The following CAST variants were observed in gnomAD, a reference collection of about 807,000 sequenced individuals.
CAST encodes the protein MIR583 host.
A neutral mutation model predicts 119.6 loss-of-function variants in CAST; 76 were observed. That is an observed-to-expected ratio of 0.64 (90% CI 0.53 to 0.77). The LOEUF (loss-of-function observed/expected upper bound fraction) is 0.77. Among genes scored for constraint, CAST ranks in the 30% least tolerant of loss-of-function variants. CAST has a pLI of 0.00. For synonymous variants in CAST, 319 were observed against 331.6 expected (o/e 0.96, Z 0.41); for missense variants, 953 against 946.5 (o/e 1.01, Z -0.09).
chr5:96,028,795 T>G, the CAST span, among the ~76,000 whole-genome samples: 4 of 152,116 alleles, frequency 2.6e-5, no homozygotes, highest in Non-Finnish European at 5.9e-5. Flanking sequence ...TTCATTGGTT[T>G]CATTCCTATT....
At chr5:96,031,102 T>C in the CAST span, among the ~76,000 whole-genome samples, 1 of 152,122 alleles carries the variant, frequency 6.6e-6, no homozygotes. Context: ...CATGTGGTGA[T>C]ACTATTTGCC....
At chr5:96,534,741 GAAAGAAAGAAAGAA>G (rs1409313029) in intron 1 of CAST, among the ~76,000 whole-genome samples, 4 of 9,168 alleles carry the variant, frequency 4.4e-4, no homozygotes, top group African/African-American at 1.2e-3. Flanking sequence ...GAGAGAGAGA[GAAAGAAAGAAAGAA>G]AGAAAGAAAG....
At chr5:96,631,840 T>C (rs1747823568) in intron 1 of CAST, among the ~76,000 whole-genome samples, 1 of 152,078 alleles carries the variant, frequency 6.6e-6, no homozygotes, top group Admixed American at 6.5e-5. Context: ...CTGCTTGTTT[T>C]CATTCTCTCA....
chr5:96,760,616 A>G (rs1394149934), intron 24 of CAST, among the ~76,000 whole-genome samples: 1 of 151,926 alleles, frequency 6.6e-6, no homozygotes, highest in East Asian at 1.9e-4. Context: ...CTACTTGTAG[A>G]TAATACATTT....
the CAST span, among the ~76,000 whole-genome samples, chr5:96,027,205 A>G: frequency 3.3e-5 from 5 of 152,076 alleles, no homozygotes; most frequent in African/African-American, 1.2e-4. Flanking sequence ...AACTAAAACA[A>G]CAATTACCTA....
chr5:96,235,778 T>A, the CAST span, among the ~76,000 whole-genome samples: 1 of 152,076 alleles, frequency 6.6e-6, no homozygotes, highest in African/African-American at 2.4e-5. Flanking sequence ...TCTCAGAAAT[T>A]CCCTGCCTCT....
At chr5:96,382,640 T>C in the CAST span, among the ~76,000 whole-genome samples, 1 of 152,234 alleles carries the variant, frequency 6.6e-6, no homozygotes, top group Non-Finnish European at 1.5e-5. Context: ...CCACATAGTA[T>C]TTAATACATT....
At chr5:96,431,976 C>A in the CAST span, 1 of 751,444 alleles carries the variant, frequency 1.3e-6, no homozygotes, top group South Asian at 1.5e-5. Context: ...AGCAGTCTCC[C>A]ACTTAATGTC....
chr5:96,417,909 G>T, the CAST span, among the ~76,000 whole-genome samples: 1 of 152,184 alleles, frequency 6.6e-6, no homozygotes, highest in African/African-American at 2.4e-5. Flanking sequence ...ACTTCCAGAA[G>T]TCACCACTGC....
At chr5:96,652,855 G>GCAC (rs1438395867) in intron 1 of CAST, among the ~76,000 whole-genome samples, 1 of 152,162 alleles carries the variant, frequency 6.6e-6, no homozygotes, top group Non-Finnish European at 1.5e-5. Context: ...TTCAGAAGGG[G>GCAC]CACAGACTGC....
At chr5:96,444,222 T>C in the CAST span, among the ~76,000 whole-genome samples, 1 of 152,194 alleles carries the variant, frequency 6.6e-6, no homozygotes, top group Non-Finnish European at 1.5e-5. Flanking sequence ...ATGCCTTCAC[T>C]TCTCATCAAA....
At chr5:96,361,666 T>A in the CAST span, among the ~76,000 whole-genome samples, 1 of 151,950 alleles carries the variant, frequency 6.6e-6, no homozygotes, top group Admixed American at 6.6e-5. Context: ...CTGCACCCAC[T>A]GTCTAACCAG....
chr5:96,104,478 T>G, the CAST span, among the ~76,000 whole-genome samples: 30 of 152,198 alleles, frequency 2.0e-4, no homozygotes, highest in African/African-American at 6.3e-4. Flanking sequence ...CCAGCACCAT[T>G]TATTAAATAG....
the CAST span, among the ~76,000 whole-genome samples, chr5:96,458,685 T>A: frequency 1.3e-5 from 2 of 152,180 alleles, no homozygotes; most frequent in Non-Finnish European, 2.9e-5. Context: ...GTGTGGGAAA[T>A]GGGCCTCATT....
At chr5:96,450,896 C>T in the CAST span, among the ~76,000 whole-genome samples, 1 of 152,110 alleles carries the variant, frequency 6.6e-6, no homozygotes, top group Non-Finnish European at 1.5e-5. Context: ...ATTTCTGAGT[C>T]CCAGGTAGCT....
the CAST span, among the ~76,000 whole-genome samples, chr5:96,286,839 G>T: frequency 3.1e-3 from 470 of 152,094 alleles, 1 homozygote; most frequent in Middle Eastern, 0.041. Flanking sequence ...GTGATCTAAA[G>T]GTTAATTCCC....
the CAST span, among the ~76,000 whole-genome samples, chr5:96,288,520 G>A: frequency 1.3e-5 from 2 of 152,120 alleles, no homozygotes; most frequent in Admixed American, 6.6e-5. Flanking sequence ...TGATAAAATA[G>A]TAATTACATA....
chr5:96,043,137 T>C, the CAST span, among the ~76,000 whole-genome samples: 2 of 152,200 alleles, frequency 1.3e-5, no homozygotes, highest in Non-Finnish European at 2.9e-5. Context: ...TTTTCTAAAA[T>C]ACAAGATTAA....
At chr5:96,501,889 C>T in the CAST span, among the ~76,000 whole-genome samples, 7 of 152,166 alleles carry the variant, frequency 4.6e-5, no homozygotes, top group Non-Finnish European at 8.8e-5. Flanking sequence ...CAGTAACATG[C>T]TTTGTAGCGT....
Sources: gnomAD v4.1 joint callset for allele counts (sites outside exome capture counted in the v4.1 genomes callset) on GRCh38, gnomAD v4.1.1 for gene constraint, MANE v1.5 for transcripts, NCBI Gene and HGNC (gene_info 2026-07-23, HGNC 2026-07-21) for gene names.